TSPAN17: variants seen among roughly 807,000 people sequenced by gnomAD.
TSPAN17 encodes the protein tetraspanin-17.
A neutral mutation model predicts 40.5 loss-of-function variants in TSPAN17; 33 were observed. The ratio of observed to expected loss-of-function variants is 0.81; its 90% CI spans 0.62 to 1.09. The LOEUF is 1.09. TSPAN17 is among the 50% of genes least tolerant of loss of function. The pLI is 0.00. For synonymous variants in TSPAN17, 166 were observed against 169.4 expected, an observed-to-expected ratio of 0.98 and a Z score of 0.15; for missense variants, 365 against 416.8, an observed-to-expected ratio of 0.88 and a Z score of 1.08.
chr5:176,657,215 G>A (rs778456478), intron 8 of TSPAN17: 17 of 619,676 alleles, frequency 2.7e-5, no homozygotes, highest in East Asian at 1.1e-4. Context: ...CCACCGTCTC[G>A]GCTACATTTG....
intron 8 of TSPAN17, 106 bp downstream of exon 8, chr5:176,657,062 G>T (rs1761185957): frequency 8.3e-7 from 1 of 1,200,348 alleles, no homozygotes; most frequent in African/African-American, 1.5e-5. Flanking sequence ...TGCAGGAGAT[G>T]TTCCTGCTGG....
At chr5:176,655,112 C>A in intron 5 of TSPAN17, 92 bp downstream of exon 5, 2 of 1,429,192 alleles carry the variant, frequency 1.4e-6, no homozygotes, top group Admixed American at 2.5e-5. Flanking sequence ...CTCTGCCCTG[C>A]TCTGGGGGCG....
chr5:176,655,067 G>C (rs757738294), intron 5 of TSPAN17, 47 bp downstream of exon 5: 5 of 1,558,872 alleles, frequency 3.2e-6, no homozygotes, highest in Non-Finnish European at 4.3e-6. Context: ...CCAGTGCACA[G>C]ACTCTGGAGA....
chr5:176,654,616 C>T lies in TSPAN17; in HGVS notation c.457-279C>T, dbSNP rs1046134411. On this transcript the variant is annotated intron_variant, in intron 4 of 8. Coordinates refer to ENST00000508164, the MANE Select transcript of TSPAN17 (RefSeq NM_130465.5). The surrounding 1 kb of genome is among the most constrained non-coding windows in gnomAD (Gnocchi z 4.3). ...CTCTCAGGTAGTCTGGAGGAAGCCACAGTCATTGAACCAGTATCCTTGTCC... is the reference window on the plus strand; with the variant it reads ...CTCTCAGGTAGTCTGGAGGAAGCCATAGTCATTGAACCAGTATCCTTGTCC... The T allele has an allele frequency of 9.7e-6, 4 of 414,264 alleles. No individual in the cohort carries two copies. Among genetic ancestry groups the T allele is most frequent in the African/African-American group, 6.1e-5 (3 of 49,128 alleles). The allele number at this position is 414,264 out of a possible 1,614,324, so 25.7% of individuals were successfully genotyped here. A position where few individuals can be genotyped will look rare whatever the true frequency, so the allele number is the denominator to read the frequency against.
intron 8 of TSPAN17, 189 bp from the exon 9 acceptor site, chr5:176,657,329 C>G: frequency 9.5e-7 from 1 of 1,050,266 alleles, no homozygotes; most frequent in East Asian, 2.6e-5. Flanking sequence ...TCCCTGCCCC[C>G]CAGTGCTGGG....
Position 176,654,895 on chromosome 5 carries a change from T to C in TSPAN17, c.457T>C (p.Trp153Arg). The change falls in exon 5 of 9, where the codon TGG becomes CGG. Residue 153 changes from tryptophan (W) to arginine (R), a missense_variant and splice_region_variant. Transcript: ENST00000508164. The surrounding 1 kb of genome is among the most constrained non-coding windows in gnomAD (Gnocchi z 4.3). The part of the protein sequence containing the change: ...QNLIDFAQEY[W>R]SCCGARGPND... ...CTGGGGCTCTCCCCTGCCCCCACAG[T>C]GGTCTTGCTGCGGAGCCCGAGGCCC... 1.2e-6 allele frequency: 2 copies of C among 1,613,768 alleles called. No homozygotes were observed. The highest frequency in any genetic ancestry group is 1.7e-6 in the Non-Finnish European group (2 of 1,179,838).
chr5:176,650,155 G>A lies in TSPAN17; in HGVS notation c.88-1461G>A, dbSNP rs1760913357. 1.3e-5 allele frequency among the ~76,000 whole-genome samples: 2 copies of A among 152,150 alleles called. No homozygotes were observed. Among genetic ancestry groups the A allele is most frequent in the Admixed American group, 6.5e-5 (1 of 15,278 alleles). ...ATCAGTGCCGGTGGGTCGTGGAGGT[G>A]TTTGCTGCAGGCGGGTGGACGTAGG... On this transcript the variant is annotated intron_variant, in intron 1 of 8. Transcript: ENST00000508164. The surrounding 1 kb of genome is among the most constrained non-coding windows in gnomAD (Gnocchi z 4.0).
chr5:176,647,959 T>C (rs554400465), intron 1 of TSPAN17, among the ~76,000 whole-genome samples: 1 of 152,094 alleles, frequency 6.6e-6, no homozygotes, highest in East Asian at 1.9e-4. Flanking sequence ...CGAGGCCTGG[T>C]GGAGAAAGGG....
In TSPAN17 at chr5:176,654,805, C is replaced by T; in HGVS notation, c.457-90C>T. ...TGTCCCAGCCCTGTCCCAGACAGCC[C>T]TGTATTCCTGCAGCCTGGGCTTGTT... On this transcript the variant is annotated intron_variant, in intron 4 of 8. Transcript: ENST00000508164. The surrounding 1 kb of genome is among the most constrained non-coding windows in gnomAD (Gnocchi z 4.3). 6.6e-7 allele frequency: 1 copy of T among 1,517,446 alleles called. No individual in the cohort carries two copies. Among genetic ancestry groups the T allele is most frequent in the South Asian group, 1.3e-5 (1 of 79,366 alleles). The allele number at this position is 1,517,446 out of a possible 1,614,324, so 94.0% of individuals were successfully genotyped here.
chr5:176,652,601 A>G (rs1761012313), intron 3 of TSPAN17, 142 bp from the exon 4 acceptor site: 1 of 736,634 alleles, frequency 1.4e-6, no homozygotes, highest in African/African-American at 1.8e-5. Context: ...ACAATACTAA[A>G]ATAATAGAAG....
chr5:176,649,884 C>T lies in TSPAN17; in HGVS notation c.88-1732C>T, dbSNP rs74998672. Among the ~76,000 whole-genome samples, 171 of 152,352 alleles carry T rather than the reference C, an allele frequency of 1.1e-3. 7 individuals are homozygous for T. In the East Asian group the frequency reaches 0.03, roughly 27 times the overall value. On this transcript the variant is annotated intron_variant, in intron 1 of 8. Transcript: ENST00000508164. ...ACCCTCCTCCTGGAACAGGCTTTTCCCTCTTGCTCTTTTCATCATTCAAAC... is the reference window on the plus strand; with the variant it reads ...ACCCTCCTCCTGGAACAGGCTTTTCTCTCTTGCTCTTTTCATCATTCAAAC...
rs529756110 is a variant in TSPAN17, at chr5:176,648,227, C to T, written c.87+525C>T. On this transcript the variant is annotated intron_variant, in intron 1 of 8. Transcript: ENST00000508164. ...CACAGTCCTCTGCCCACCCCAGTCC[C>T]GCACAAGGAGGCTGACCTGCCAGGA... is the stretch of plus-strand genomic sequence containing the variant. Among the ~76,000 whole-genome samples, 8 of 152,316 alleles carry T rather than the reference C, an allele frequency of 5.3e-5. No homozygotes were observed. The South Asian group carries it at 1.2e-3, about 24-fold the overall frequency.
At chr5:176,648,898 T>A (rs1335877905) in intron 1 of TSPAN17, among the ~76,000 whole-genome samples, 6 of 152,326 alleles carry the variant, frequency 3.9e-5, no homozygotes, top group Non-Finnish European at 8.8e-5. Context: ...TTAAGTCACT[T>A]ACCTAGGGTC....
chr5:176,649,996 A>G (rs1245650019), intron 1 of TSPAN17, among the ~76,000 whole-genome samples: 2 of 151,762 alleles, frequency 1.3e-5, no homozygotes, highest in African/African-American at 4.8e-5. Context: ...GCCCCGCTCG[A>G]TATTTGTTAA....
Position 176,653,041 on chromosome 5 carries a change from C to A in TSPAN17, c.456+128C>A. 3.1e-6 allele frequency: 3 copies of A among 978,658 alleles called. No homozygotes were observed. The South Asian group carries it at 4.5e-5, about 15-fold the overall frequency. The allele number at this position is 978,658 out of a possible 1,614,324, so 60.6% of individuals were successfully genotyped here. ...GGCTAGCGGGCCCCAGGAGAGAGAC[C>A]CAGGAGTGTCCTCGTCCGAGGAGAG... is the stretch of plus-strand genomic sequence containing the variant. On this transcript the variant is annotated intron_variant, in intron 4 of 8. Coordinates refer to ENST00000508164, the MANE Select transcript of TSPAN17 (RefSeq NM_130465.5).
At position 176,650,226 on chromosome 5, in the gene TSPAN17, G is replaced by A. The variant is rs1760916867; in HGVS notation, c.88-1390G>A. Among the ~76,000 whole-genome samples, 1 of 152,154 alleles carries A rather than the reference G, an allele frequency of 6.6e-6. No individual in the cohort carries two copies. The highest frequency in any genetic ancestry group is 1.5e-5 in the Non-Finnish European group (1 of 68,022). ...TCTGGGTGGGGATCGGGAGATGCCA[G>A]CGTCATGATGGGATGGAAGACGAGC... On this transcript the variant is annotated intron_variant, in intron 1 of 8. Transcript: ENST00000508164. This position sits in a 1 kb window ranked among gnomAD's most constrained non-coding sequence, Gnocchi z 4.0.
Position 176,657,919 on chromosome 5 carries a change from C to A in TSPAN17, c.*221C>A. On this transcript the variant is annotated 3_prime_UTR_variant, in exon 9 of 9. Coordinates refer to ENST00000508164, the MANE Select transcript of TSPAN17 (RefSeq NM_130465.5). The stretch of plus-strand genomic sequence containing the variant: ...CCTGCACCTCGAGGCCGCTGCGGGC[C>A]AATCTGGAGTGAAACACGGGGACCT... 4 of 726,716 alleles carry A rather than the reference C, an allele frequency of 5.5e-6. No individual in the cohort carries two copies. Among genetic ancestry groups the A allele is most frequent in the Non-Finnish European group, 8.1e-6 (4 of 496,178 alleles). The allele number at this position is 726,716 out of a possible 1,614,324, so 45.0% of individuals were successfully genotyped here.
At position 176,657,563 on chromosome 5, in the gene TSPAN17, C is replaced by T. The variant is rs755550897; in HGVS notation, c.855C>T (p.Thr285=). The T allele has an allele frequency of 1.2e-6, 2 of 1,612,720 alleles. No homozygotes were observed. The highest frequency in any genetic ancestry group is 2.2e-5 in the East Asian group (1 of 44,870). ...DDFENHWLTP[T]ISEVLSTAGP... ...TTGAAAACCACTGGCTTACGCCCAC[C>T]ATTTCCGAGGTCCTGTCCACGGCGG... The change falls in exon 9 of 9, where the codon ACC becomes ACT. Residue 285 remains threonine, a synonymous_variant. Coordinates refer to ENST00000508164, the MANE Select transcript of TSPAN17 (RefSeq NM_130465.5).
intron 4 of TSPAN17, chr5:176,653,486 TC>T: frequency 6.5e-6 from 1 of 153,298 alleles, no homozygotes; most frequent in Non-Finnish European, 1.5e-5. Flanking sequence ...CCTATCTGCC[TC>T]CCACCTGCAC....
Sources: allele counts gnomAD v4.1 joint callset (sites outside exome capture counted in the v4.1 genomes callset), GRCh38; gene constraint gnomAD v4.1.1; non-coding constraint Gnocchi (gnomAD v3.1); transcripts MANE v1.5; gene names NCBI Gene and HGNC (gene_info 2026-07-23, HGNC 2026-07-21).